KLHL21: variants seen among roughly 807,000 people sequenced by gnomAD.
KLHL21 encodes the protein kelch-like protein 21.
KLHL21 carries 42 observed loss-of-function variants against 44.1 expected under a neutral mutation model. The observed-to-expected ratio is 0.95, with a 90% CI of 0.74 to 1.23. The LOEUF is 1.23. Ranked by LOEUF, KLHL21 falls within the 50% of genes most tolerant of loss-of-function variation. KLHL21 has a pLI of 0.00. For synonymous variants in KLHL21, 524 were observed against 411.6 expected, an observed-to-expected ratio of 1.27 and a Z score of -3.31; for missense variants, 918 against 889.1, an observed-to-expected ratio of 1.03 and a Z score of -0.41.
chr1:6,596,883 C>A (rs1249676231), intron 2 of KLHL21, among the ~76,000 whole-genome samples: 2 of 152,212 alleles, frequency 1.3e-5, no homozygotes, highest in African/African-American at 4.8e-5. Flanking sequence ...ACGGCTGAGG[C>A]TGTGGCCTCC....
At chr1:6,598,527 G>A (rs375333669) in intron 2 of KLHL21, among the ~76,000 whole-genome samples, 34 of 151,852 alleles carry the variant, frequency 2.2e-4, no homozygotes, top group African/African-American at 7.0e-4. Flanking sequence ...CCAAGATCGC[G>A]CCACTGTACT....
intron 3 of KLHL21, chr1:6,594,419 T>C (rs1640895894): frequency 6.6e-6 from 1 of 152,350 alleles, no homozygotes; most frequent in Non-Finnish European, 1.5e-5. Flanking sequence ...ATTCCCACAG[T>C]GGGCTGGGCA....
At position 6,593,365 on chromosome 1, in the gene KLHL21, C is replaced by A; in HGVS notation, c.1794G>T (p.Ter598TyrextTer138). The change falls in exon 4 of 4, where the codon TAG becomes TAT. Residue 598 changes from the stop codon to tyrosine, a stop_lost. Transcript: ENST00000377658. ...AGGCCCGTGCCGGGCCAGACTGGGG[C>A]TAGTGCAGCTCATCGGGGTCCCGCG... ...RPPRDPDELH[*>Y] 6.3e-7 allele frequency: 1 copy of A among 1,585,352 alleles called. No individual in the cohort carries two copies.
Position 6,599,141 on chromosome 1 carries a change from T to G in KLHL21, c.1333A>C (p.Thr445Pro), listed in dbSNP as rs767295635. The change falls in exon 2 of 4, where the codon ACC becomes CCC. Residue 445 changes from threonine (T) to proline (P), a missense_variant. Thr to Pro is a conservative substitution (Grantham distance 38). Coordinates refer to ENST00000377658, the MANE Select transcript of KLHL21 (RefSeq NM_014851.4). ...TMVMQCYDPD[T>P]DLWSLVDCGQ... ...CAGTCCACCAGCGACCACAGGTCGG[T>G]GTCCGGGTCGTAGCACTGCATCACC... is the stretch of plus-strand genomic sequence containing the variant. The G allele has an allele frequency of 6.2e-7, 1 of 1,613,798 alleles. No homozygotes were observed. The highest frequency in any genetic ancestry group is 1.3e-5 in the African/African-American group (1 of 74,912).
chr1:6,602,533 G>A lies in KLHL21; in HGVS notation c.285C>T (p.Tyr95=), dbSNP rs1438335766. The A allele has an allele frequency of 2.6e-6, 4 of 1,539,922 alleles. No individual in the cohort carries two copies. The highest frequency in any genetic ancestry group is 2.4e-5 in the East Asian group (1 of 41,050). ...CGCCGCTTACCGCCACGCGGCCCGT[G>A]TAGCTGAAGTCCAGCAGCAGCTGCA... ...DMLQLLLDFS[Y]TGRVAVSGDN... The change falls in exon 1 of 4, where the codon TAC becomes TAT. Residue 95 remains tyrosine (Y), a synonymous_variant. Coordinates refer to ENST00000377658, the MANE Select transcript of KLHL21 (RefSeq NM_014851.4).
At chr1:6,600,415 T>A (rs1051635969) in intron 1 of KLHL21, among the ~76,000 whole-genome samples, 1 of 152,218 alleles carries the variant, frequency 6.6e-6, no homozygotes, top group Non-Finnish European at 1.5e-5. Context: ...ACACCAGGTC[T>A]ATTAGAAACC....
In KLHL21 at chr1:6,602,354, C is replaced by G. The variant is rs771302689; in HGVS notation, c.464G>C (p.Ser155Thr). Residue 155 changes from serine (S) to threonine (T), a missense_variant, in exon 1 of 4, where the codon AGC becomes ACC. Coordinates refer to ENST00000377658, the MANE Select transcript of KLHL21 (RefSeq NM_014851.4). Reference protein sequence around the residue: ...AEAFSCSGLASAAQRFILRHV... With the variant: ...AEAFSCSGLATAAQRFILRHV... Reference sequence around the variant, plus strand: ...GCGCAGAATGAACCGCTGCGCCGCGCTCGCCAGTCCCGAGCAGCTGAAGGC... The same window carrying G: ...GCGCAGAATGAACCGCTGCGCCGCGGTCGCCAGTCCCGAGCAGCTGAAGGC... 7.0e-6 allele frequency: 11 copies of G among 1,568,440 alleles called. No individual in the cohort carries two copies. Among genetic ancestry groups the G allele is most frequent in the African/African-American group, 1.4e-5 (1 of 73,632 alleles).
At chr1:6,598,564 C>G (rs1640960106) in intron 2 of KLHL21, among the ~76,000 whole-genome samples, 1 of 150,854 alleles carries the variant, frequency 6.6e-6, no homozygotes, top group Non-Finnish European at 1.5e-5. Flanking sequence ...AAGCGAAACT[C>G]TTCTTTTAAA....
At chr1:6,597,990 C>G (rs1469022624) in intron 2 of KLHL21, among the ~76,000 whole-genome samples, 1 of 152,226 alleles carries the variant, frequency 6.6e-6, no homozygotes, top group Non-Finnish European at 1.5e-5. Context: ...ATATGATGAC[C>G]CGCAGGCTGC....
At position 6,602,311 on chromosome 1, in the gene KLHL21, G is replaced by A. The variant is rs1455584737; in HGVS notation, c.507C>T (p.Gly169=). The A allele has an allele frequency of 3.9e-6, 6 of 1,552,550 alleles. No individual in the cohort carries two copies. Among genetic ancestry groups the A allele is most frequent in the Non-Finnish European group, 4.3e-6 (5 of 1,155,974 alleles). ...GTGGCAGCCGCTCCAGCTGCTCGGC[G>A]CCCAGCTCGCCCACGTGGCGCAGAA... ...RFILRHVGEL[G]AEQLERLPLA... is the part of the protein sequence containing the mutation. The change falls in exon 1 of 4, where the codon GGC becomes GGT. Residue 169 remains glycine (G), a synonymous_variant. Transcript: ENST00000377658.
rs143989562 is a variant in KLHL21 at position 6,599,400 on chromosome 1, G to C, written c.1074C>G (p.Ser358Arg). 41 of 1,613,220 alleles carry C rather than the reference G, an allele frequency of 2.5e-5. No individual in the cohort carries two copies. The highest frequency in any genetic ancestry group is 4.4e-5 in the South Asian group (4 of 91,082). The change falls in exon 2 of 4, where the codon AGC (serine) becomes AGG (arginine). Residue 358 changes from serine to arginine, a missense_variant. Physicochemically the swap from Ser to Arg is moderately radical, Grantham distance 110. Transcript: ENST00000377658. ...GCGCCACCTCCGCCCACTCATTCAC[G>C]CTTGAGTTGTACCTCCACACGCAGT... is the stretch of plus-strand genomic sequence containing the variant. ...LYDCVWRYNSSVNEWAEVAPM... is the reference protein window; with the variant it reads ...LYDCVWRYNSRVNEWAEVAPM...
chr1:6,601,710 C>G (rs1641022828), intron 1 of KLHL21, 87 bp downstream of exon 1: 6 of 1,462,096 alleles, frequency 4.1e-6, no homozygotes, highest in South Asian at 2.8e-5. Flanking sequence ...GGATTCCAGG[C>G]TCTGTGCGCT....
rs1316976071 is a variant in KLHL21 at position 6,602,137 on chromosome 1, G to C, written c.681C>G (p.Pro227=). 3 of 1,423,672 alleles carry C rather than the reference G, an allele frequency of 2.1e-6. No individual in the cohort carries two copies. The highest frequency in any genetic ancestry group is 6.4e-5 in the Admixed American group (2 of 31,100). 88.2% of individuals were successfully genotyped at this position (1,423,672 alleles called of 1,614,324 possible). ...WPQLLEAVRL[P]FVRRFYLLAH... ...CCAACAGGTAGAAGCGGCGCACGAA[G>C]GGCAGGCGCACGGCCTCCAGCAGCT... The change falls in exon 1 of 4, where the codon CCC becomes CCG. Residue 227 remains proline (P), a synonymous_variant. Transcript: ENST00000377658.
intron 1 of KLHL21, chr1:6,599,662 G>A: frequency 1.7e-6 from 1 of 596,686 alleles, no homozygotes; most frequent in South Asian, 2.1e-5. Flanking sequence ...GATGACTGCT[G>A]CCAAGCCTCT....
At chr1:6,601,648 C>G (rs576785219) in intron 1 of KLHL21, 149 bp downstream of exon 1, 1 of 1,287,992 alleles carries the variant, frequency 7.8e-7, no homozygotes, top group Non-Finnish European at 1.0e-6. Context: ...AAAAGTATCG[C>G]CCAGAGACAT....
Position 6,602,068 on chromosome 1 carries a change from GC to G in KLHL21, c.749del (p.Cys250SerfsTer90). The G allele has an allele frequency of 6.7e-7, 1 of 1,501,142 alleles. No individual in the cohort carries two copies. The highest frequency in any genetic ancestry group is 1.3e-5 in the South Asian group (1 of 78,122). The allele number at this position is 1,501,142 out of a possible 1,614,324, so 93.0% of individuals were successfully genotyped here. ...AEPLVARCPPCLRLLREARDF... is the reference protein window; with the variant it reads ...AEPLVARCPPXLRLLREARDF... ...CGCGCGCCTCGCGCAGCAGGCGCAG[GC>G]AGGGTGGGCAGCGCGCCACCAGCGG... On this transcript the variant is annotated frameshift_variant, in exon 1 of 4. Transcript: ENST00000377658. LOFTEE classifies it high-confidence loss of function.
chr1:6,591,274 C>T lies in KLHL21; in HGVS notation c.*2091G>A. 1 of 344,496 alleles carries T rather than the reference C, an allele frequency of 2.9e-6. No individual in the cohort carries two copies. The allele number at this position is 344,496 out of a possible 1,614,324, so 21.3% of individuals were successfully genotyped here. ...GACCTGGGTAGGTCCGGAGGACAGA[C>T]ACAGGAGAGGGCACAATCCCAAGCG... On this transcript the variant is annotated 3_prime_UTR_variant, in exon 4 of 4. Transcript: ENST00000377658.
In KLHL21 at chr1:6,599,128, G is replaced by A. The variant is rs1280739034; in HGVS notation, c.1346C>T (p.Ser449Leu). Residue 449 changes from serine (S) to leucine (L), a missense_variant, in exon 2 of 4, where the codon TCG (serine) becomes TTG (leucine). Ser to Leu is a moderately radical substitution (Grantham distance 145, BLOSUM62 -2). Transcript: ENST00000377658. ...QCYDPDTDLW[S>L]LVDCGQLPPW... ...CGGGAGCTGGCCGCAGTCCACCAGC[G>A]ACCACAGGTCGGTGTCCGGGTCGTA... The A allele has an allele frequency of 5.6e-6, 9 of 1,613,726 alleles. No homozygotes were observed. The highest frequency in any genetic ancestry group is 1.6e-4 in the Middle Eastern group (1 of 6,062).
At position 6,602,464 on chromosome 1, in the gene KLHL21, G is replaced by C; in HGVS notation, c.354C>G (p.Phe118Leu). The change falls in exon 1 of 4, where the codon TTC (phenylalanine) becomes TTG (leucine). Residue 118 changes from phenylalanine (F) to leucine (L), a missense_variant. By Grantham distance (22) the Phe-to-Leu change is conservative (BLOSUM62 0). Transcript: ENST00000377658. Reference sequence around the variant, plus strand: ...CCCCGCACGCCTCCTTCACGGCCGGGAACTGCAGCAGGTCGGCGGCGCGCA... The same window carrying C: ...CCCCGCACGCCTCCTTCACGGCCGGCAACTGCAGCAGGTCGGCGGCGCGCA... ...PLLRAADLLQ[F>L]PAVKEACGAF... The C allele has an allele frequency of 1.3e-6, 2 of 1,575,214 alleles. No individual in the cohort carries two copies. The highest frequency in any genetic ancestry group is 1.7e-6 in the Non-Finnish European group (2 of 1,166,882).
Sources: allele counts gnomAD v4.1 joint callset (sites outside exome capture counted in the v4.1 genomes callset), GRCh38; gene constraint gnomAD v4.1.1; transcripts MANE v1.5; gene names NCBI Gene and HGNC (gene_info 2026-07-23, HGNC 2026-07-21).